The following DEPTOR variants were observed in gnomAD, a reference collection of about 807,000 sequenced individuals.
DEPTOR encodes the protein DEP domain-containing mTOR-interacting protein.
Under a neutral mutation model 41.6 loss-of-function variants are expected in DEPTOR, and 41 were observed. The observed-to-expected ratio is 0.98, with a 90% confidence interval of 0.77 to 1.28. The LOEUF is 1.28. Among genes scored for constraint, DEPTOR ranks in the 50% most tolerant of loss-of-function variants. The probability of loss-of-function intolerance (pLI) is 0.00; values close to 1 mark genes in which losing one functional copy is unlikely to be tolerated. For synonymous variants in DEPTOR, 195 were observed against 192.3 expected (o/e 1.01, Z -0.12); for missense variants, 514 against 527.9 (o/e 0.97, Z 0.26).
intron 1 of DEPTOR, among the ~76,000 whole-genome samples, chr8:119,906,350 G>T (rs1827663823): frequency 6.6e-6 from 1 of 151,454 alleles, no homozygotes; most frequent in Non-Finnish European, 1.5e-5. Context: ...CAGCTACTCA[G>T]GAGGCTGAGG....
chr8:119,895,187 A>G (rs2129729012), intron 1 of DEPTOR, among the ~76,000 whole-genome samples: 1 of 152,340 alleles, frequency 6.6e-6, no homozygotes. Flanking sequence ...AAAGAGAAGT[A>G]CAACTGTAAT....
chr8:119,889,632 A>AAGGGGAGGGGAGGGGAGGATGGGG, intron 1 of DEPTOR, among the ~76,000 whole-genome samples: 1 of 36,620 alleles, frequency 2.7e-5, no homozygotes, highest in Non-Finnish European at 5.2e-5. Flanking sequence ...GAGGGAAGGG[A>AAGGGGAGGGGAGGGGAGGATGGGG]AGGGGAGGGG....
rs969486822 is a variant in DEPTOR at position 119,964,751 on chromosome 8, A to G, written c.426-481A>G. Among the ~76,000 whole-genome samples, 6 of 151,922 alleles carry G rather than the reference A, an allele frequency of 3.9e-5. No individual in the cohort carries two copies. The East Asian group carries it at 9.7e-4, about 24-fold the overall frequency. On this transcript the variant is annotated intron_variant, in intron 3 of 8. Transcript: ENST00000286234. ...TTCCAATTTTTTTTTTGAAATTACTAGGAGAAAATGCATCTTGTTTGCTTC... is the reference window on the plus strand; with the variant it reads ...TTCCAATTTTTTTTTTGAAATTACTGGGAGAAAATGCATCTTGTTTGCTTC...
At chr8:120,046,009 G>A (rs189884858) in intron 8 of DEPTOR, among the ~76,000 whole-genome samples, 2 of 152,160 alleles carry the variant, frequency 1.3e-5, no homozygotes, top group African/African-American at 4.8e-5. Context: ...AGCTTCTGAG[G>A]CCTCCAAGAG....
At chr8:119,943,983 G>A (rs531555414) in intron 3 of DEPTOR, among the ~76,000 whole-genome samples, 3 of 152,000 alleles carry the variant, frequency 2.0e-5, no homozygotes, top group East Asian at 1.9e-4. Flanking sequence ...GACTACAGGC[G>A]CCCGCCACCA....
intron 3 of DEPTOR, among the ~76,000 whole-genome samples, chr8:119,944,648 C>A (rs1037696005): frequency 2.2e-5 from 3 of 139,256 alleles, no homozygotes; most frequent in African/African-American, 7.8e-5. Context: ...CATGGTAATT[C>A]TTTCTTTTCT....
intron 3 of DEPTOR, among the ~76,000 whole-genome samples, chr8:119,939,861 T>C (rs1474154656): frequency 1.3e-5 from 2 of 152,010 alleles, no homozygotes; most frequent in East Asian, 3.9e-4. Context: ...GCATTGCTGG[T>C]GGGAATGTAA....
Position 119,965,491 on chromosome 8 carries a change from T to A in DEPTOR, c.604+81T>A. ...TGTCTTACAACAACACGTACTTATT[T>A]CTCACTCATGAATCTGTAAGTCAGC... On this transcript the variant is annotated intron_variant, in intron 4 of 8. Transcript: ENST00000286234. The A allele has an allele frequency of 2.0e-6, 3 of 1,506,082 alleles. No individual in the cohort carries two copies. The South Asian group carries it at 3.9e-5, about 20-fold the overall frequency. The allele number at this position is 1,506,082 out of a possible 1,614,324, so 93.3% of individuals were successfully genotyped here. A position where few individuals can be genotyped will look rare whatever the true frequency, so the allele number is the denominator to read the frequency against.
chr8:119,980,955 C>A (rs1474806927), intron 4 of DEPTOR, among the ~76,000 whole-genome samples: 1 of 152,174 alleles, frequency 6.6e-6, no homozygotes, highest in Non-Finnish European at 1.5e-5. Flanking sequence ...AACAAATGTT[C>A]TCCCTTCCCC....
chr8:119,970,050 G>A (rs1025878939), intron 4 of DEPTOR, among the ~76,000 whole-genome samples: 9 of 152,122 alleles, frequency 5.9e-5, no homozygotes, highest in South Asian at 2.1e-4. Flanking sequence ...TGACTGGTGC[G>A]CTTTACTCAA....
intron 3 of DEPTOR, among the ~76,000 whole-genome samples, chr8:119,939,005 T>C (rs1828166270): frequency 1.3e-5 from 2 of 149,950 alleles, no homozygotes; most frequent in African/African-American, 2.4e-5. Flanking sequence ...TAGGAAGCCA[T>C]GCAAAGTTGT....
At chr8:119,911,710 G>A (rs963527497) in intron 1 of DEPTOR, among the ~76,000 whole-genome samples, 6 of 152,154 alleles carry the variant, frequency 3.9e-5, no homozygotes, top group Non-Finnish European at 5.9e-5. Context: ...AAACACACAC[G>A]GGTAGTCCAA....
At chr8:119,992,443 C>G (rs1292216749) in intron 4 of DEPTOR, among the ~76,000 whole-genome samples, 4 of 152,066 alleles carry the variant, frequency 2.6e-5, no homozygotes, top group African/African-American at 9.7e-5. Flanking sequence ...GTTTACGTGA[C>G]CGTAAGTCCA....
intron 6 of DEPTOR, among the ~76,000 whole-genome samples, 176 bp downstream of exon 6, chr8:120,003,287 T>C (rs1175809440): frequency 1.3e-5 from 2 of 152,044 alleles, no homozygotes; most frequent in Non-Finnish European, 2.9e-5. Flanking sequence ...GAAGGAGAAA[T>C]TGGGTTGTAG....
chr8:120,028,872 G>A (rs999160158), intron 8 of DEPTOR, among the ~76,000 whole-genome samples: 11 of 151,764 alleles, frequency 7.2e-5, no homozygotes, highest in Admixed American at 7.2e-4. Flanking sequence ...ATCACCTGAG[G>A]TCAGGAGTTC....
At chr8:120,001,792 C>T in intron 5 of DEPTOR, 82 bp downstream of exon 5, 1 of 1,467,110 alleles carries the variant, frequency 6.8e-7, no homozygotes, top group South Asian at 1.4e-5. Context: ...TTGTGAAATT[C>T]TGTTCTCTAT....
chr8:120,026,324 G>T lies in DEPTOR; in HGVS notation c.1101+17191G>T, dbSNP rs974524380. Among the ~76,000 whole-genome samples, 10 of 151,708 alleles carry T rather than the reference G, an allele frequency of 6.6e-5. No individual in the cohort carries two copies. In the East Asian group the frequency reaches 2.0e-3, roughly 30 times the overall value. ...ATTGTGTTGCGTGGTCACTTTAAGG[G>T]GGGCAGAGAACTCAAGTATTCTAAT... is the stretch of plus-strand genomic sequence containing the variant. On this transcript the variant is annotated intron_variant, in intron 8 of 8. Coordinates refer to ENST00000286234, the MANE Select transcript of DEPTOR (RefSeq NM_022783.4).
At position 120,050,354 on chromosome 8, in the gene DEPTOR, G is replaced by A. The variant is rs1813218374; in HGVS notation, c.*650G>A. ...GTGATGCTATGGTTGGGGGTAGTTA[G>A]GGAGAGACTACATGAAATTGTGTGC... On this transcript the variant is annotated 3_prime_UTR_variant, in exon 9 of 9. Transcript: ENST00000286234. The A allele has an allele frequency of 6.6e-6, 1 of 151,566 alleles. No individual in the cohort carries two copies. The highest frequency in any genetic ancestry group is 1.5e-5 in the Non-Finnish European group (1 of 67,986). 9.4% of individuals were successfully genotyped at this position (151,566 alleles called of 1,614,324 possible).
chr8:119,905,327 G>A (rs540648763), intron 1 of DEPTOR, among the ~76,000 whole-genome samples: 2 of 152,248 alleles, frequency 1.3e-5, no homozygotes, highest in Admixed American at 6.5e-5. Context: ...TGGGAGCTCC[G>A]GATGGAAGTG....
Sources: gnomAD v4.1 joint callset for allele counts (sites outside exome capture counted in the v4.1 genomes callset) on GRCh38, gnomAD v4.1.1 for gene constraint, MANE v1.5 for transcripts, NCBI Gene and HGNC (gene_info 2026-07-23, HGNC 2026-07-21) for gene names.